Variants in GPR173 observed in about 807,000 individuals in gnomAD.
GPR173 encodes probable G protein-coupled receptor 173.
Under a neutral mutation model 13.9 loss-of-function variants are expected in GPR173, and 2 were observed. The observed-to-expected ratio is 0.14, with a 90% CI of 0.06 to 0.45. The LOEUF is 0.45. GPR173 is among the 20% of genes least tolerant of loss of function. The probability of loss-of-function intolerance (pLI) is 0.98; values close to 1 mark genes in which losing one functional copy is unlikely to be tolerated. For synonymous variants in GPR173, 131 were observed against 141.0 expected, an observed-to-expected ratio of 0.93 and a Z score of 0.50; for missense variants, 202 against 340.5, an observed-to-expected ratio of 0.59 and a Z score of 3.20.
At chrX:53,073,498 C>G (rs782813574) in intron 1 of GPR173, among the ~76,000 whole-genome samples, 1 of 110,220 alleles carries the variant, frequency 9.1e-6, no homozygotes, top group Non-Finnish European at 1.9e-5. Flanking sequence ...AGCTTTGCTG[C>G]GCTGCTCTCA....
chrX:53,063,150 C>G (rs1428944239), intron 1 of GPR173, among the ~76,000 whole-genome samples: 1 of 109,928 alleles, frequency 9.1e-6, no homozygotes, highest in Non-Finnish European at 1.9e-5. Context: ...CCAGGCTGTC[C>G]ATGAAATTCT....
rs1932472416 is a variant in GPR173 at position 53,078,208 on chromosome X, C to G, written c.*465C>G. The G allele has an allele frequency of 7.3e-6, 1 of 136,570 alleles. No individual in the cohort carries two copies. Among genetic ancestry groups the G allele is most frequent in the Non-Finnish European group, 1.6e-5 (1 of 61,198 alleles). The allele number at this position is 136,570 out of a possible 1,213,427, so 11.3% of individuals were successfully genotyped here. ...GACTTCCAGAGCTCTTTTGCCCCCT[C>G]TGCTCCCATGCACCCTCCCCTTCCA... On this transcript the variant is annotated 3_prime_UTR_variant, in exon 2 of 2. Coordinates refer to ENST00000332582, the MANE Select transcript of GPR173 (RefSeq NM_018969.6).
rs1253686781 is a variant in GPR173, at chrX:53,049,076, G to T, written c.-506G>T. The T allele has an allele frequency of 2.0e-5, 2 of 100,759 alleles. No homozygotes were observed. Among genetic ancestry groups the T allele is most frequent in the Middle Eastern group, 5.2e-3 (1 of 193 alleles). The allele number at this position is 100,759 out of a possible 1,213,427, so 8.3% of individuals were successfully genotyped here. A position where few individuals can be genotyped will look rare whatever the true frequency, so the allele number is the denominator to read the frequency against. On this transcript the variant is annotated 5_prime_UTR_variant, in exon 1 of 2. Transcript: ENST00000332582. Reference sequence around the variant, plus strand: ...CAGACGGAGGGGGGGGGTGGGGGGTGGGGGGGGTAGGGGGACCGGCAGCCA... The same window carrying T: ...CAGACGGAGGGGGGGGGTGGGGGGTTGGGGGGGTAGGGGGACCGGCAGCCA...
In GPR173 at chrX:53,077,799, A is replaced by T; in HGVS notation, c.*56A>T. 2.0e-6 allele frequency: 2 copies of T among 1,007,247 alleles called. No individual in the cohort carries two copies. Among genetic ancestry groups the T allele is most frequent in the Non-Finnish European group, 2.8e-6 (2 of 724,649 alleles). 83.0% of individuals were successfully genotyped at this position (1,007,247 alleles called of 1,213,427 possible). A position where few individuals can be genotyped will look rare whatever the true frequency, so the allele number is the denominator to read the frequency against. Reference sequence around the variant, plus strand: ...AGGTCATGGCCACCGTGATGGGGCCAACAGCAAGGGAGGGGTAGGGGCCCA... The same window carrying T: ...AGGTCATGGCCACCGTGATGGGGCCTACAGCAAGGGAGGGGTAGGGGCCCA... On this transcript the variant is annotated 3_prime_UTR_variant, in exon 2 of 2. Transcript: ENST00000332582.
At chrX:53,073,583 A>G (rs1556805058) in intron 1 of GPR173, among the ~76,000 whole-genome samples, 2 of 107,313 alleles carry the variant, frequency 1.9e-5, no homozygotes, top group African/African-American at 6.8e-5. Flanking sequence ...TCTCTGACCC[A>G]CAGCCCCAGC....
At chrX:53,063,280 G>A (rs1017602355) in intron 1 of GPR173, among the ~76,000 whole-genome samples, 11 of 110,714 alleles carry the variant, frequency 9.9e-5, no homozygotes, top group Non-Finnish European at 1.7e-4. Flanking sequence ...GCAGCAAGTC[G>A]AGCTGCACTT....
chrX:53,073,298 G>T (rs1244684976), intron 1 of GPR173, among the ~76,000 whole-genome samples: 3 of 109,281 alleles, frequency 2.7e-5, no homozygotes, highest in African/African-American at 6.7e-5. Flanking sequence ...CCATGCAGAG[G>T]GGAGACTTTT....
At chrX:53,051,221 AG>A (rs1307302839) in intron 1 of GPR173, among the ~76,000 whole-genome samples, 1 of 109,954 alleles carries the variant, frequency 9.1e-6, no homozygotes, top group Non-Finnish European at 1.9e-5. Context: ...GGCTGATTTC[AG>A]GGCATGGAGA....
rs782620603 is a variant in GPR173 at position 53,077,369 on chromosome X, G to A, written c.748G>A (p.Gly250Ser). 1 of 1,198,980 alleles carries A rather than the reference G, an allele frequency of 8.3e-7. No homozygotes were observed. Among genetic ancestry groups the A allele is most frequent in the South Asian group, 1.8e-5 (1 of 55,307 alleles). The part of the protein sequence containing the change: ...QAAANWIAGF[G>S]RGPMPPTLLG... Reference sequence around the variant, plus strand: ...TGCTGCCAACTGGATCGCCGGCTTTGGCCGTGGGCCCATGCCACCAACCCT... The same window carrying A: ...TGCTGCCAACTGGATCGCCGGCTTTAGCCGTGGGCCCATGCCACCAACCCT... The change falls in exon 2 of 2, where the codon GGC becomes AGC. Residue 250 changes from glycine to serine, a missense_variant. Gly to Ser is a moderately conservative substitution (Grantham distance 56). Transcript: ENST00000332582.
intron 1 of GPR173, among the ~76,000 whole-genome samples, chrX:53,067,621 C>T (rs374954651): frequency 1.3e-4 from 14 of 111,101 alleles, no homozygotes; most frequent in Non-Finnish European, 2.3e-4. Context: ...GTCAGGAGAT[C>T]AAGACCATCC....
At position 53,077,578 on chromosome X, in the gene GPR173, C is replaced by T. The variant is rs1556806060; in HGVS notation, c.957C>T (p.His319=). 8.3e-7 allele frequency: 1 copy of T among 1,211,600 alleles called. No homozygotes were observed. The change falls in exon 2 of 2, where the codon CAC becomes CAT. Residue 319 remains histidine, a synonymous_variant. Transcript: ENST00000332582. ...TTGTGAAAGCCTGTGCTGTGCCCCACCGCTACCTGGCCACTGCTGTTTGGA... is the reference window on the plus strand; with the variant it reads ...TTGTGAAAGCCTGTGCTGTGCCCCATCGCTACCTGGCCACTGCTGTTTGGA... ...RVFVKACAVP[H]RYLATAVWMS...
chrX:53,074,686 TATAA>T (rs1417760808), intron 1 of GPR173, among the ~76,000 whole-genome samples: 1 of 86,932 alleles, frequency 1.2e-5, no homozygotes, highest in South Asian at 5.1e-4. Context: ...TTATAAATAT[TATAA>T]ATAAATATAT....
chrX:53,071,109 A>C (rs1218245421), intron 1 of GPR173: 1 of 111,212 alleles, frequency 9.0e-6, no homozygotes, highest in African/African-American at 3.3e-5. Flanking sequence ...CTGGGATTAC[A>C]GGCATGTGCC....
intron 1 of GPR173, among the ~76,000 whole-genome samples, chrX:53,068,813 C>T (rs1233733384): frequency 3.7e-5 from 3 of 80,718 alleles, no homozygotes; most frequent in Non-Finnish European, 6.8e-5. Flanking sequence ...GAAGGCTAGG[C>T]GTGATGGCTC....
chrX:53,054,553 G>A (rs964654017), intron 1 of GPR173, among the ~76,000 whole-genome samples: 4 of 109,422 alleles, frequency 3.7e-5, no homozygotes, highest in Admixed American at 9.9e-5. Context: ...GTGTTTCTGG[G>A]TAGGGTGTGC....
chrX:53,061,982 GGGAAGAGAA>G (rs1556803829), intron 1 of GPR173, among the ~76,000 whole-genome samples: 29 of 86,057 alleles, frequency 3.4e-4, no homozygotes, highest in African/African-American at 7.0e-4. Context: ...GAGAAGGGAA[GGGAAGAGAA>G]AGAAGAGAAG....
Position 53,076,822 on chromosome X carries a change from C to T in GPR173, c.201C>T (p.Ala67=). ...PYYFLLDLCL[A]DGIRSAVCFP... ...ACTTCCTGCTGGACCTGTGCCTGGC[C>T]GATGGCATACGCTCTGCCGTCTGCT... The change falls in exon 2 of 2, where the codon GCC becomes GCT. Residue 67 remains alanine, a synonymous_variant. Coordinates refer to ENST00000332582, the MANE Select transcript of GPR173 (RefSeq NM_018969.6). 1 of 1,209,203 alleles carries T rather than the reference C, an allele frequency of 8.3e-7. No individual in the cohort carries two copies. The highest frequency in any genetic ancestry group is 1.7e-5 in the African/African-American group (1 of 57,923).
At chrX:53,056,435 A>C (rs1932040581) in intron 1 of GPR173, among the ~76,000 whole-genome samples, 1 of 109,689 alleles carries the variant, frequency 9.1e-6, no homozygotes, top group African/African-American at 3.3e-5. Context: ...GAACGTCTAC[A>C]TGGCTATGAA....
intron 1 of GPR173, among the ~76,000 whole-genome samples, chrX:53,051,487 T>C (rs1302798210): frequency 9.0e-6 from 1 of 111,072 alleles, no homozygotes. Flanking sequence ...TGTCTGTTCA[T>C]GGGCAGTGTG....
Sources: gnomAD v4.1 joint callset for allele counts (sites outside exome capture counted in the v4.1 genomes callset) on GRCh38, gnomAD v4.1.1 for gene constraint, MANE v1.5 for transcripts, NCBI Gene and HGNC (gene_info 2026-07-23, HGNC 2026-07-21) for gene names.